The following CSMD1 variants were observed in gnomAD, a reference collection of about 807,000 sequenced individuals.
The protein encoded by CSMD1 is CUB and sushi domain-containing protein 1.
A neutral mutation model predicts 417.5 loss-of-function variants in CSMD1; 213 were observed. The observed-to-expected ratio is 0.51, with a 90% CI of 0.46 to 0.57. CSMD1 has a LOEUF of 0.57. CSMD1 is among the 20% of genes least tolerant of loss of function. CSMD1 has a pLI of 0.00. For missense variants in CSMD1, 6,923 were observed against 4,529.7 expected, an observed-to-expected ratio of 1.53 and a Z score of -15.17; for synonymous variants, 2,862 against 1,736.8, an observed-to-expected ratio of 1.65 and a Z score of -16.11.
chr8:4,586,032 G>T (rs180711650), intron 2 of CSMD1, among the ~76,000 whole-genome samples: 2 of 151,912 alleles, frequency 1.3e-5, no homozygotes, highest in Non-Finnish European at 2.9e-5. Context: ...ATTATTATGC[G>T]CATGTAATGG....
At chr8:4,128,414 T>C (rs971613449) in intron 3 of CSMD1, among the ~76,000 whole-genome samples, 1 of 152,190 alleles carries the variant, frequency 6.6e-6, no homozygotes, top group Non-Finnish European at 1.5e-5. Flanking sequence ...CTGTGATGAC[T>C]CTATTGGGAA....
At chr8:4,626,732 G>T (rs780286179) in intron 2 of CSMD1, among the ~76,000 whole-genome samples, 2 of 152,028 alleles carry the variant, frequency 1.3e-5, no homozygotes, top group Non-Finnish European at 2.9e-5. Flanking sequence ...TCAGTTCAAG[G>T]ATGCCCCAAA....
chr8:4,392,164 A>G (rs1304696419), intron 3 of CSMD1, among the ~76,000 whole-genome samples: 1 of 152,174 alleles, frequency 6.6e-6, no homozygotes, highest in Non-Finnish European at 1.5e-5. Context: ...TGTCATGGGC[A>G]TTTTTGTTTC....
At chr8:3,846,280 G>A (rs1455940077) in intron 5 of CSMD1, among the ~76,000 whole-genome samples, 1 of 152,260 alleles carries the variant, frequency 6.6e-6, no homozygotes, top group Non-Finnish European at 1.5e-5. Flanking sequence ...TCGCTACCAT[G>A]TCAATAGGTG....
At chr8:3,535,396 T>A (rs772386560) in intron 10 of CSMD1, among the ~76,000 whole-genome samples, 13 of 152,180 alleles carry the variant, frequency 8.5e-5, no homozygotes, top group Admixed American at 3.3e-4. Context: ...GTGTGAACCC[T>A]GACACCTGCA....
chr8:4,288,190 T>C (rs1797165864), intron 3 of CSMD1, among the ~76,000 whole-genome samples: 1 of 152,160 alleles, frequency 6.6e-6, no homozygotes, highest in Non-Finnish European at 1.5e-5. Context: ...TCTTTTTTAC[T>C]GGTACTGCAG....
chr8:4,680,257 CATGTT>C (rs1805953014), intron 1 of CSMD1, among the ~76,000 whole-genome samples: 1 of 152,152 alleles, frequency 6.6e-6, no homozygotes, highest in African/African-American at 2.4e-5. Context: ...TTCAAAAATA[CATGTT>C]ATGTTATCAC....
At chr8:4,531,876 G>A (rs1470635795) in intron 2 of CSMD1, among the ~76,000 whole-genome samples, 12 of 151,962 alleles carry the variant, frequency 7.9e-5, no homozygotes, top group African/African-American at 2.9e-4. Flanking sequence ...CACTCCGGAA[G>A]AGAAATCCTG....
chr8:3,980,770 C>A (rs551362705), intron 5 of CSMD1, among the ~76,000 whole-genome samples: 1 of 152,130 alleles, frequency 6.6e-6, no homozygotes. Context: ...CTGCTGCAGG[C>A]GACATTCTCA....
At chr8:3,863,269 C>A (rs986628509) in intron 5 of CSMD1, among the ~76,000 whole-genome samples, 1 of 151,976 alleles carries the variant, frequency 6.6e-6, no homozygotes, top group East Asian at 1.9e-4. Flanking sequence ...TGGTGGCAGG[C>A]ACCTGTAATC....
At chr8:3,193,106 T>G (rs138676364) in intron 33 of CSMD1, among the ~76,000 whole-genome samples, 1 of 152,302 alleles carries the variant, frequency 6.6e-6, no homozygotes, top group African/African-American at 2.4e-5. Context: ...CATCTGTCAC[T>G]TGTATATCTG....
At chr8:4,027,908 G>C (rs192700202) in intron 4 of CSMD1, among the ~76,000 whole-genome samples, 1 of 152,174 alleles carries the variant, frequency 6.6e-6, no homozygotes, top group African/African-American at 2.4e-5. Flanking sequence ...TTTTCTGAGA[G>C]TGAGAATGTA....
At chr8:4,109,611 T>C (rs1399696067) in intron 3 of CSMD1, among the ~76,000 whole-genome samples, 2 of 152,172 alleles carry the variant, frequency 1.3e-5, no homozygotes, top group African/African-American at 4.8e-5. Context: ...TGGATATTGT[T>C]GGAATCAAAA....
At chr8:4,687,163 G>A (rs921946207) in intron 1 of CSMD1, among the ~76,000 whole-genome samples, 1 of 152,236 alleles carries the variant, frequency 6.6e-6, no homozygotes, top group Non-Finnish European at 1.5e-5. Flanking sequence ...CTGCCAGCCA[G>A]AGAGGCAGGG....
At chr8:4,280,973 TAATAG>T (rs1372829145) in intron 3 of CSMD1, among the ~76,000 whole-genome samples, 2 of 152,112 alleles carry the variant, frequency 1.3e-5, no homozygotes, top group Non-Finnish European at 2.9e-5. Context: ...AGTTTCCCAG[TAATAG>T]AATAAAGTAG....
At chr8:4,076,283 C>G (rs546364435) in intron 3 of CSMD1, among the ~76,000 whole-genome samples, 1 of 152,184 alleles carries the variant, frequency 6.6e-6, no homozygotes, top group Non-Finnish European at 1.5e-5. Flanking sequence ...ATGTTTGCTT[C>G]TCCCTCTGCC....
At chr8:3,579,744 C>G (rs116967577) in intron 9 of CSMD1, among the ~76,000 whole-genome samples, 1 of 152,268 alleles carries the variant, frequency 6.6e-6, no homozygotes, top group Non-Finnish European at 1.5e-5. Context: ...ATAATCATAA[C>G]TCCACTTATG....
At chr8:4,625,748 G>C (rs566810223) in intron 2 of CSMD1, among the ~76,000 whole-genome samples, 14 of 152,210 alleles carry the variant, frequency 9.2e-5, no homozygotes, top group African/African-American at 3.4e-4. Context: ...ATTTGAGAAA[G>C]AGTCTGGTTC....
At chr8:4,642,856 G>C (rs929700222) in intron 1 of CSMD1, among the ~76,000 whole-genome samples, 3 of 152,308 alleles carry the variant, frequency 2.0e-5, no homozygotes, top group African/African-American at 7.2e-5. Flanking sequence ...CATGTAATTG[G>C]GTTTAGGGAC....
Sources: gnomAD v4.1 joint callset for allele counts (sites outside exome capture counted in the v4.1 genomes callset) on GRCh38, gnomAD v4.1.1 for gene constraint, MANE v1.5 for transcripts, NCBI Gene and HGNC (gene_info 2026-07-23, HGNC 2026-07-21) for gene names.